LAMB1: variants seen among roughly 807,000 people sequenced by gnomAD.
The protein encoded by LAMB1 is laminin subunit beta-1.
LAMB1 carries 121 observed loss-of-function variants against 222.3 expected under a neutral mutation model. The ratio of observed to expected loss-of-function variants is 0.54; its 90% CI spans 0.47 to 0.63. The LOEUF (loss-of-function observed/expected upper bound fraction) is 0.63. Among genes scored for constraint, LAMB1 ranks in the 30% least tolerant of loss-of-function variants. The probability of loss-of-function intolerance (pLI) is 0.00; values close to 1 mark genes in which losing one functional copy is unlikely to be tolerated. For missense variants in LAMB1, 2,172 were observed against 2,240.8 expected (o/e 0.97, Z 0.62); for synonymous variants, 794 against 807.2 (o/e 0.98, Z 0.28).
intron 7 of LAMB1, among the ~76,000 whole-genome samples, chr7:107,981,224 A>C (rs2033966904): frequency 6.6e-6 from 1 of 152,156 alleles, no homozygotes; most frequent in African/African-American, 2.4e-5. Context: ...AGGTGGGCGG[A>C]TCACCTGAGG....
In LAMB1 at chr7:107,980,792, G is replaced by A; in HGVS notation, c.696C>T (p.Asn232=). The A allele has an allele frequency of 1.2e-6, 2 of 1,607,338 alleles. No individual in the cohort carries two copies. Among genetic ancestry groups the A allele is most frequent in the South Asian group, 1.1e-5 (1 of 90,898 alleles). ...GCAGTTTCACAAACTTGATTCTCAA[G>A]TTGGTAATTTTTAATAAATCTAGGA... ...PRIQNLLKIT[N]LRIKFVKLHT... The change falls in exon 8 of 34, where the codon AAC becomes AAT. Residue 232 remains asparagine (N), a synonymous_variant. Coordinates refer to ENST00000222399, the MANE Select transcript of LAMB1 (RefSeq NM_002291.3).
At chr7:107,930,133 C>G (rs1027294610) in intron 29 of LAMB1, among the ~76,000 whole-genome samples, 1 of 151,950 alleles carries the variant, frequency 6.6e-6, no homozygotes, top group African/African-American at 2.4e-5. Context: ...TACAAATGAT[C>G]TAGATTCAGG....
At chr7:107,925,713 G>A (rs941296137) in intron 32 of LAMB1, among the ~76,000 whole-genome samples, 1 of 152,062 alleles carries the variant, frequency 6.6e-6, no homozygotes. Flanking sequence ...GAGGTGAGGG[G>A]TAGTTAATTC....
At chr7:107,931,553 G>A in intron 28 of LAMB1, 53 bp from the exon 29 acceptor site, 1 of 1,512,582 alleles carries the variant, frequency 6.6e-7, no homozygotes. Context: ...TTCTAAAGGA[G>A]ACCAGAATAT....
intron 24 of LAMB1, among the ~76,000 whole-genome samples, chr7:107,947,527 C>T (rs1001491641): frequency 6.6e-6 from 1 of 152,184 alleles, no homozygotes; most frequent in Non-Finnish European, 1.5e-5. Context: ...GAATGCATTC[C>T]AGCACAAACA....
At position 107,940,287 on chromosome 7, in the gene LAMB1, C is replaced by T; in HGVS notation, c.3463G>A (p.Glu1155Lys). ...DQSTGQCVCVEGVEGPRCDKC... is the reference protein window; with the variant it reads ...DQSTGQCVCVKGVEGPRCDKC... ...TCACAGCGTGGACCCTCAACACCCT[C>T]AACGCAGACACACTGGCCCGTGGAC... is the stretch of plus-strand genomic sequence containing the variant. The change falls in exon 25 of 34, where the codon GAG (glutamate) becomes AAG (lysine). Residue 1155 changes from glutamate to lysine, a missense_variant. Coordinates refer to ENST00000222399, the MANE Select transcript of LAMB1 (RefSeq NM_002291.3). 6.2e-7 allele frequency: 1 copy of T among 1,614,210 alleles called. No individual in the cohort carries two copies. The highest frequency in any genetic ancestry group is 2.2e-5 in the East Asian group (1 of 44,880).
chr7:107,990,331 T>C (rs950481156), intron 5 of LAMB1, among the ~76,000 whole-genome samples: 3 of 152,178 alleles, frequency 2.0e-5, no homozygotes, highest in African/African-American at 4.8e-5. Flanking sequence ...TGAGCCACTA[T>C]GCCTGGCCAA....
chr7:108,000,126 G>A (rs1312926720), intron 3 of LAMB1: 1 of 150,496 alleles, frequency 6.6e-6, no homozygotes. Flanking sequence ...GCTAATATTA[G>A]AAAAGTAACA....
At position 107,975,291 on chromosome 7, in the gene LAMB1, C is replaced by T. The variant is rs1348477083; in HGVS notation, c.1312G>A (p.Asp438Asn). 6.2e-7 allele frequency: 1 copy of T among 1,614,086 alleles called. No homozygotes were observed. The highest frequency in any genetic ancestry group is 1.7e-5 in the Admixed American group (1 of 60,014). ...TCATAGAAGCCTTCTTTGCAAACAT[C>T]ACAATGTTCTCCTTCCACATTTAAT... ...CKLNVEGEHC[D>N]VCKEGFYDLS... Residue 438 changes from aspartate (D) to asparagine (N), a missense_variant, in exon 11 of 34, where the codon GAT becomes AAT. Asp to Asn is a conservative substitution (Grantham distance 23). Coordinates refer to ENST00000222399, the MANE Select transcript of LAMB1 (RefSeq NM_002291.3).
chr7:107,966,754 G>A (rs1293083151), intron 13 of LAMB1, among the ~76,000 whole-genome samples: 1 of 152,172 alleles, frequency 6.6e-6, no homozygotes, highest in African/African-American at 2.4e-5. Flanking sequence ...GCAACCATTA[G>A]AGAACGAGCA....
At chr7:107,951,134 G>T in intron 24 of LAMB1, 92 bp downstream of exon 24, 1 of 864,694 alleles carries the variant, frequency 1.2e-6, no homozygotes, top group Non-Finnish European at 1.9e-6. Flanking sequence ...ACGTTAATTT[G>T]TACTGTGTTT....
chr7:107,992,681 C>T (rs1036634064), intron 5 of LAMB1, among the ~76,000 whole-genome samples: 5 of 152,072 alleles, frequency 3.3e-5, no homozygotes, highest in East Asian at 1.9e-4. Flanking sequence ...GGATCACTTG[C>T]GGTTAGGAGT....
chr7:107,929,823 T>A (rs1184447902), intron 29 of LAMB1: 14 of 592,216 alleles, frequency 2.4e-5, no homozygotes, highest in Non-Finnish European at 3.9e-5. Flanking sequence ...CTGCAGACAA[T>A]TGAGTACTAC....
chr7:107,986,783 T>C (rs1229044060), intron 5 of LAMB1, among the ~76,000 whole-genome samples: 2 of 152,240 alleles, frequency 1.3e-5, no homozygotes, highest in Non-Finnish European at 2.9e-5. Flanking sequence ...CTATATGTTG[T>C]ATATGTTATA....
At chr7:108,001,991 A>G (rs2034396981) in intron 2 of LAMB1, 2 of 1,444,718 alleles carry the variant, frequency 1.4e-6, no homozygotes, top group Middle Eastern at 2.5e-4. Flanking sequence ...CCCTCCCGGG[A>G]AACCCACCGA....
At chr7:107,995,947 G>A (rs1314680235) in intron 4 of LAMB1, among the ~76,000 whole-genome samples, 1 of 152,110 alleles carries the variant, frequency 6.6e-6, no homozygotes, top group East Asian at 1.9e-4. Flanking sequence ...TCAATTGAGG[G>A]GGCGGGGGGT....
chr7:107,950,608 A>C (rs1410104891), intron 24 of LAMB1, among the ~76,000 whole-genome samples: 1 of 152,172 alleles, frequency 6.6e-6, no homozygotes, highest in Non-Finnish European at 1.5e-5. Context: ...TATTCACATT[A>C]AACTGACTTG....
chr7:107,939,001 T>G (rs1016138788), intron 25 of LAMB1, among the ~76,000 whole-genome samples: 3 of 152,124 alleles, frequency 2.0e-5, no homozygotes, highest in African/African-American at 7.2e-5. Context: ...CTGATTAAAG[T>G]CTCATCACAC....
Position 107,960,653 on chromosome 7 carries a change from T to G in LAMB1, c.2110-4A>C, listed in dbSNP as rs1171262952. ...TACAGTATGGCATGAGAACAAGCTG[T>G]GAAGAAATGAGAACGGCCAAACATC... On this transcript the variant is annotated splice_region_variant and splice_polypyrimidine_tract_variant and intron_variant, in intron 17 of 33. Coordinates refer to ENST00000222399, the MANE Select transcript of LAMB1 (RefSeq NM_002291.3). 6.2e-7 allele frequency: 1 copy of G among 1,613,844 alleles called. No individual in the cohort carries two copies.
Sources: gnomAD v4.1 joint callset for allele counts (sites outside exome capture counted in the v4.1 genomes callset) on GRCh38, gnomAD v4.1.1 for gene constraint, MANE v1.5 for transcripts, NCBI Gene and HGNC (gene_info 2026-07-23, HGNC 2026-07-21) for gene names.